Variants in MRTFB observed in about 807,000 individuals in gnomAD.
MRTFB encodes the protein myocardin-related transcription factor B.
A neutral mutation model predicts 104.2 loss-of-function variants in MRTFB; 29 were observed. The ratio of observed to expected loss-of-function variants is 0.28; its 90% CI spans 0.21 to 0.38. The LOEUF (loss-of-function observed/expected upper bound fraction) is 0.38. Ranked by LOEUF, MRTFB falls within the 10% of genes least tolerant of loss-of-function variation. The pLI is 1.00. For missense variants in MRTFB, 1,270 were observed against 1,341.6 expected (o/e 0.95, Z 0.83); for synonymous variants, 535 against 519.5 (o/e 1.03, Z -0.41).
At chr16:14,101,063 CTCTTT>C (rs1041563101) in intron 2 of MRTFB, among the ~76,000 whole-genome samples, 4 of 148,566 alleles carry the variant, frequency 2.7e-5, no homozygotes, top group African/African-American at 4.9e-5. Flanking sequence ...GATTTTTCTG[CTCTTT>C]TCTTCACTGC....
At chr16:14,259,441 G>T (rs185370162) in intron 16 of MRTFB, among the ~76,000 whole-genome samples, 89 of 151,710 alleles carry the variant, frequency 5.9e-4, no homozygotes, top group Non-Finnish European at 1.0e-3. Flanking sequence ...CAGTAATAAC[G>T]AGAACCAAGT....
At chr16:14,068,712 A>C (rs1378446496), upstream of MRTFB, among the ~76,000 whole-genome samples, 2 of 152,120 alleles carry the variant, frequency 1.3e-5, no homozygotes, top group East Asian at 3.9e-4. Context: ...GGTTGATTTT[A>C]GGCATCCGTT....
At chr16:14,024,952 A>G in the MRTFB span, among the ~76,000 whole-genome samples, 1 of 152,184 alleles carries the variant, frequency 6.6e-6, no homozygotes, top group African/African-American at 2.4e-5. Flanking sequence ...ATTTGAACTC[A>G]GGCAGTTTGA....
intron 1 of MRTFB, among the ~76,000 whole-genome samples, chr16:14,077,741 G>C (rs1016222683): frequency 1.3e-5 from 2 of 152,042 alleles, no homozygotes; most frequent in African/African-American, 4.8e-5. Flanking sequence ...GAAACTCATC[G>C]CTTAGTGCCC....
chr16:14,063,915 T>C, the MRTFB span, among the ~76,000 whole-genome samples: 1 of 152,258 alleles, frequency 6.6e-6, no homozygotes, highest in Non-Finnish European at 1.5e-5. Flanking sequence ...TTTGCTATTG[T>C]AAACAGTGCT....
intron 15 of MRTFB, among the ~76,000 whole-genome samples, chr16:14,257,091 A>C (rs1211627222): frequency 6.6e-6 from 1 of 152,232 alleles, no homozygotes; most frequent in African/African-American, 2.4e-5. Flanking sequence ...TGACCCTACA[A>C]AGTATTGGTG....
At chr16:14,064,307 C>T in the MRTFB span, among the ~76,000 whole-genome samples, 1 of 152,122 alleles carries the variant, frequency 6.6e-6, no homozygotes, top group Non-Finnish European at 1.5e-5. Context: ...GTCCATTGCC[C>T]ACTTTTTAAT....
chr16:14,204,414 T>C (rs1318696466), intron 3 of MRTFB, among the ~76,000 whole-genome samples: 1 of 152,246 alleles, frequency 6.6e-6, no homozygotes, highest in Non-Finnish European at 1.5e-5. Context: ...CTAAAAGAGC[T>C]GTAACACTTA....
chr16:14,210,527 C>T (rs2041147660), intron 4 of MRTFB, among the ~76,000 whole-genome samples: 1 of 152,184 alleles, frequency 6.6e-6, no homozygotes, highest in East Asian at 1.9e-4. Context: ...TTTTATATTA[C>T]ACACAGAACA....
the MRTFB span, among the ~76,000 whole-genome samples, chr16:14,016,758 A>C: frequency 8.0e-6 from 1 of 124,296 alleles, no homozygotes; most frequent in African/African-American, 3.2e-5. Context: ...GGGTAACAAG[A>C]GGGAAACTCT....
intron 8 of MRTFB, among the ~76,000 whole-genome samples, chr16:14,225,387 A>T (rs190690636): frequency 5.9e-5 from 9 of 152,144 alleles, no homozygotes; most frequent in Admixed American, 5.9e-4. Flanking sequence ...AGCTGTAAAG[A>T]AGTAGCATTT....
At chr16:14,141,632 C>T (rs1054303422) in intron 3 of MRTFB, 1 of 152,108 alleles carries the variant, frequency 6.6e-6, no homozygotes, top group African/African-American at 2.4e-5. Context: ...TTGTCACTTA[C>T]TTTCCTGGGT....
chr16:14,161,734 C>T (rs1324031394), intron 3 of MRTFB, among the ~76,000 whole-genome samples: 2 of 152,062 alleles, frequency 1.3e-5, no homozygotes, highest in African/African-American at 2.4e-5. Context: ...TTCTACACGC[C>T]AGTATAATCA....
In MRTFB at chr16:14,210,061, A is replaced by T. The variant is rs551761303; in HGVS notation, c.155-182A>T. Among the ~76,000 whole-genome samples, 5 of 152,354 alleles carry T rather than the reference A, an allele frequency of 3.3e-5. No homozygotes were observed. The East Asian group carries it at 9.6e-4, about 29-fold the overall frequency. Reference sequence around the variant, plus strand: ...ACTGTGTAAACTTTAGTGTTCACTAAACAGGCAGAAATTACAAAATAATTT... The same window carrying T: ...ACTGTGTAAACTTTAGTGTTCACTATACAGGCAGAAATTACAAAATAATTT... On this transcript the variant is annotated intron_variant, in intron 3 of 16. Coordinates refer to ENST00000571589, the MANE Select transcript of MRTFB (RefSeq NM_001308142.2).
intron 2 of MRTFB, among the ~76,000 whole-genome samples, chr16:14,096,900 TAGA>T (rs1283111601): frequency 3.3e-5 from 5 of 152,256 alleles, no homozygotes; most frequent in African/African-American, 9.6e-5. Context: ...TTGCTGTACA[TAGA>T]AGTAGTTTTC....
At chr16:14,221,066 A>T (rs2041678401) in intron 8 of MRTFB, among the ~76,000 whole-genome samples, 1 of 152,240 alleles carries the variant, frequency 6.6e-6, no homozygotes, top group Admixed American at 6.5e-5. Context: ...TGCCATACAG[A>T]TGTCAAAGAA....
the MRTFB span, among the ~76,000 whole-genome samples, chr16:13,998,686 G>T: frequency 1.3e-5 from 2 of 151,230 alleles, no homozygotes; most frequent in Middle Eastern, 3.2e-3. Flanking sequence ...GGAAGAGGAA[G>T]AAGAGGAAGA....
At chr16:14,169,375 C>T (rs1011432649) in intron 3 of MRTFB, among the ~76,000 whole-genome samples, 2 of 152,282 alleles carry the variant, frequency 1.3e-5, no homozygotes, top group East Asian at 3.9e-4. Context: ...TATTGTCAGT[C>T]CCACTCAGGT....
At chr16:14,170,665 CAT>C (rs1334865972) in intron 3 of MRTFB, among the ~76,000 whole-genome samples, 3 of 152,062 alleles carry the variant, frequency 2.0e-5, no homozygotes, top group Non-Finnish European at 4.4e-5. Context: ...GAGTATATAT[CAT>C]GTGTATATAT....
Sources: allele counts gnomAD v4.1 joint callset (sites outside exome capture counted in the v4.1 genomes callset), GRCh38; gene constraint gnomAD v4.1.1; transcripts MANE v1.5; gene names NCBI Gene and HGNC (gene_info 2026-07-23, HGNC 2026-07-21).